Variants in SORCS1 observed in about 807,000 individuals in gnomAD.
The protein encoded by SORCS1 is sortilin related VPS10 domain containing receptor 1, also known as VPS10 domain-containing receptor SorCS1.
A neutral mutation model predicts 146.1 loss-of-function variants in SORCS1; 60 were observed. The observed-to-expected ratio is 0.41, with a 90% CI of 0.33 to 0.51. The LOEUF is 0.51. Among genes scored for constraint, SORCS1 ranks in the 20% least tolerant of loss-of-function variants. SORCS1 has a pLI of 0.21. For synonymous variants in SORCS1, 637 were observed against 584.0 expected (o/e 1.09, Z -1.31); for missense variants, 1,352 against 1,487.6 (o/e 0.91, Z 1.50).
chr10:107,057,155 T>A (rs1364433616), intron 1 of SORCS1, among the ~76,000 whole-genome samples: 1 of 152,150 alleles, frequency 6.6e-6, no homozygotes, highest in Non-Finnish European at 1.5e-5. Flanking sequence ...TAGAAAAGAA[T>A]GAGATCAGCA....
chr10:106,712,907 T>A (rs562839343), intron 6 of SORCS1, among the ~76,000 whole-genome samples: 28 of 152,314 alleles, frequency 1.8e-4, no homozygotes, highest in African/African-American at 6.7e-4. Flanking sequence ...GAAGTTCCCA[T>A]ATGCAAGGAG....
chr10:106,852,643 A>AAG (rs1160047533), intron 2 of SORCS1, among the ~76,000 whole-genome samples: 66 of 151,478 alleles, frequency 4.4e-4, no homozygotes, highest in Admixed American at 1.7e-3. Flanking sequence ...AAAAAAAAAA[A>AAG]AAAAGAAAGA....
intron 2 of SORCS1, among the ~76,000 whole-genome samples, chr10:106,844,333 TTGCTTTTGGTGTCTG>T (rs1479671757): frequency 2.6e-5 from 4 of 152,106 alleles, no homozygotes; most frequent in Non-Finnish European, 1.5e-5. Flanking sequence ...TTCCCACATT[TTGCTTTTGGTGTCTG>T]TGCTTTTGGT....
intron 2 of SORCS1, among the ~76,000 whole-genome samples, chr10:106,899,737 G>C (rs1255366599): frequency 6.6e-6 from 1 of 151,700 alleles, no homozygotes; most frequent in Non-Finnish European, 1.5e-5. Context: ...ACTCCCAAGG[G>C]CTTTCAAGAT....
intron 10 of SORCS1, among the ~76,000 whole-genome samples, chr10:106,683,033 G>A (rs1852560557): frequency 6.6e-6 from 1 of 152,126 alleles, no homozygotes; most frequent in South Asian, 2.1e-4. Flanking sequence ...TTCTGGGTCA[G>A]GTACAAAGTT....
At chr10:106,605,812 G>A (rs1846534874) in intron 23 of SORCS1, among the ~76,000 whole-genome samples, 1 of 152,142 alleles carries the variant, frequency 6.6e-6, no homozygotes, top group Non-Finnish European at 1.5e-5. Context: ...AATTATACAG[G>A]GGAGCCTTCT....
chr10:106,959,167 G>A (rs991787651), intron 1 of SORCS1, among the ~76,000 whole-genome samples: 2 of 152,144 alleles, frequency 1.3e-5, no homozygotes, highest in Admixed American at 1.3e-4. Context: ...GGGCAGGCGG[G>A]CAGGGAGGTA....
At chr10:106,792,886 G>C (rs1946383747) in intron 3 of SORCS1, among the ~76,000 whole-genome samples, 1 of 152,056 alleles carries the variant, frequency 6.6e-6, no homozygotes, top group African/African-American at 2.4e-5. Context: ...AGAACAAATA[G>C]AAAAACACGA....
intron 3 of SORCS1, among the ~76,000 whole-genome samples, chr10:106,826,443 G>C (rs1368847451): frequency 2.0e-5 from 3 of 152,174 alleles, no homozygotes; most frequent in African/African-American, 7.2e-5. Context: ...CACTGCCTTT[G>C]TTCTGCATAA....
intron 3 of SORCS1, among the ~76,000 whole-genome samples, chr10:106,825,449 T>C (rs7920980): frequency 0.038 from 5,849 of 151,934 alleles, 297 homozygotes; most frequent in East Asian, 0.23. Flanking sequence ...TTATTTTGTA[T>C]TTTTAGTAGA....
Position 106,829,625 on chromosome 10 carries a change from A to G in SORCS1, c.675T>C (p.Gly225=), listed in dbSNP as rs750546476. 2 of 1,608,502 alleles carry G rather than the reference A, an allele frequency of 1.2e-6. No individual in the cohort carries two copies. The highest frequency in any genetic ancestry group is 2.2e-5 in the East Asian group (1 of 44,670). ...AGAGATAGCTCAAAATGGTTTTCAA[A>G]CCAACTTTATCATTCAGCTTCTCAT... is the stretch of plus-strand genomic sequence containing the variant. ...TTYEKLNDKV[G]LKTILSYLYV... is the part of the protein sequence containing the mutation. Residue 225 remains glycine, a synonymous_variant, in exon 3 of 26, where the codon GGT becomes GGC. Transcript: ENST00000263054.
intron 1 of SORCS1, among the ~76,000 whole-genome samples, chr10:107,130,220 A>G (rs536243269): frequency 6.6e-6 from 1 of 152,326 alleles, no homozygotes; most frequent in Admixed American, 6.5e-5. Context: ...TAGTCACTCT[A>G]GTGTCCTTAT....
At chr10:107,169,937 G>A in the SORCS1 span, among the ~76,000 whole-genome samples, 5 of 152,104 alleles carry the variant, frequency 3.3e-5, no homozygotes, top group African/African-American at 1.2e-4. Context: ...TAGGAAAAGA[G>A]AAGCATGAAA....
rs1958417371 is a variant in SORCS1 at position 107,026,624 on chromosome 10, A to T, written c.559-70044T>A. On this transcript the variant is annotated intron_variant, in intron 1 of 25. Transcript: ENST00000263054. Reference sequence around the variant, plus strand: ...CAGAGTGAGATGCCATCAAAAAAAAAAAAAAAGTTTTTTGGTTTTGTTAAA... The same window carrying T: ...CAGAGTGAGATGCCATCAAAAAAAATAAAAAAGTTTTTTGGTTTTGTTAAA... Among the ~76,000 whole-genome samples the T allele has an allele frequency of 2.0e-5, 3 of 152,112 alleles. No homozygotes were observed. The South Asian group carries it at 6.2e-4, about 32-fold the overall frequency.
At chr10:107,077,409 C>CCTAT (rs1321461008) in intron 1 of SORCS1, among the ~76,000 whole-genome samples, 2 of 151,606 alleles carry the variant, frequency 1.3e-5, no homozygotes, top group African/African-American at 4.8e-5. Flanking sequence ...CTACTACTTA[C>CCTAT]CTATCACCAG....
intron 4 of SORCS1, among the ~76,000 whole-genome samples, chr10:106,770,907 C>A (rs1859971088): frequency 6.6e-6 from 1 of 152,204 alleles, no homozygotes; most frequent in Non-Finnish European, 1.5e-5. Flanking sequence ...TCTACGTGGT[C>A]TTGAACGTCC....
Position 106,984,774 on chromosome 10 carries a change from T to C in SORCS1, c.559-28194A>G, listed in dbSNP as rs1956393491. Among the ~76,000 whole-genome samples the C allele has an allele frequency of 2.0e-5, 3 of 152,126 alleles. No individual in the cohort carries two copies. The South Asian group carries it at 6.2e-4, about 32-fold the overall frequency. On this transcript the variant is annotated intron_variant, in intron 1 of 25. Transcript: ENST00000263054. ...AGCATGAAATTAAATTTTATCTTTA[T>C]AGACACACACTTTTATACTTATTTC...
chr10:106,699,940 T>C (rs940694191), intron 8 of SORCS1, among the ~76,000 whole-genome samples: 1 of 152,152 alleles, frequency 6.6e-6, no homozygotes, highest in Admixed American at 6.5e-5. Context: ...ACCATGCATA[T>C]TAAAGTTTGA....
chr10:106,672,793 C>T (rs182321098), intron 15 of SORCS1, 75 bp downstream of exon 15: 11 of 1,255,668 alleles, frequency 8.8e-6, no homozygotes, highest in African/African-American at 1.5e-5. Context: ...AGTTCCTATA[C>T]CTTAGCAACT....
Sources: gnomAD v4.1 joint callset for allele counts (sites outside exome capture counted in the v4.1 genomes callset) on GRCh38, gnomAD v4.1.1 for gene constraint, MANE v1.5 for transcripts, NCBI Gene and HGNC (gene_info 2026-07-23, HGNC 2026-07-21) for gene names.